The following CTNNA1 variants were observed in gnomAD, a reference collection of about 807,000 sequenced individuals.
The protein encoded by CTNNA1 is catenin alpha-1.
In CTNNA1, 37 loss-of-function variants were observed where a neutral mutation model predicts 98.4. The ratio of observed to expected loss-of-function variants is 0.38; its 90% CI spans 0.29 to 0.49. The LOEUF is 0.49. CTNNA1 is among the 20% of genes least tolerant of loss of function. The pLI is 0.95. For missense variants in CTNNA1, 761 were observed against 1,147.2 expected (o/e 0.66, Z 4.86); for synonymous variants, 404 against 413.2 (o/e 0.98, Z 0.27).
chr5:138,796,085 C>T (rs1756938623), intron 3 of CTNNA1, among the ~76,000 whole-genome samples: 1 of 152,070 alleles, frequency 6.6e-6, no homozygotes, highest in Non-Finnish European at 1.5e-5. Flanking sequence ...TGAACACTAT[C>T]CTCTAGAGAG....
intron 6 of CTNNA1, among the ~76,000 whole-genome samples, chr5:138,826,377 G>A (rs1760722945): frequency 6.6e-6 from 1 of 152,110 alleles, no homozygotes; most frequent in Admixed American, 6.6e-5. Context: ...CATTTATCAG[G>A]GTGAGGATAA....
chr5:138,816,054 C>T (rs1759399577), intron 5 of CTNNA1, among the ~76,000 whole-genome samples: 1 of 152,194 alleles, frequency 6.6e-6, no homozygotes, highest in Admixed American at 6.5e-5. Flanking sequence ...TGATAACTAA[C>T]CTTTGGCTAC....
chr5:138,767,433 TG>T (rs1475154139), intron 1 of CTNNA1, among the ~76,000 whole-genome samples: 8 of 152,218 alleles, frequency 5.3e-5, no homozygotes, highest in Non-Finnish European at 8.8e-5. Context: ...TGGTGTTCTT[TG>T]GCGCCATTGT....
chr5:138,766,861 G>T (rs143001548), intron 1 of CTNNA1, among the ~76,000 whole-genome samples: 47 of 152,176 alleles, frequency 3.1e-4, no homozygotes, highest in African/African-American at 1.0e-3. Flanking sequence ...CTGTGGTAAC[G>T]GGAAGAGGTG....
chr5:138,802,144 A>G (rs1471734233), intron 3 of CTNNA1, among the ~76,000 whole-genome samples: 2 of 152,230 alleles, frequency 1.3e-5, no homozygotes, highest in Non-Finnish European at 2.9e-5. Context: ...GTAAATGACA[A>G]GAAGAAGGCA....
intron 3 of CTNNA1, among the ~76,000 whole-genome samples, chr5:138,790,426 C>T (rs1195092957): frequency 1.3e-5 from 2 of 152,054 alleles, no homozygotes; most frequent in Admixed American, 6.5e-5. Flanking sequence ...GATGTCAAAC[C>T]TTATTTTGTG....
Position 138,874,476 on chromosome 5 carries a change from C to T in CTNNA1, c.1063-11736C>T. 3 of 1,612,674 alleles carry T rather than the reference C, an allele frequency of 1.9e-6. No homozygotes were observed. Among genetic ancestry groups the T allele is most frequent in the Non-Finnish European group, 2.5e-6 (3 of 1,179,278 alleles). Reference sequence around the variant, plus strand: ...TTGGGTGGACACGCCATACCCAGGGCAGGCAGCATTTTTAAAACCATACTC... The same window carrying T: ...TTGGGTGGACACGCCATACCCAGGGTAGGCAGCATTTTTAAAACCATACTC... On this transcript the variant is annotated intron_variant, in intron 7 of 17. Transcript: ENST00000302763. This position sits in a 1 kb window ranked among gnomAD's most constrained non-coding sequence, Gnocchi z 4.1.
At chr5:138,795,457 G>GAAA (rs920167753) in intron 3 of CTNNA1, among the ~76,000 whole-genome samples, 2 of 145,940 alleles carry the variant, frequency 1.4e-5, no homozygotes, top group Admixed American at 1.4e-4. Context: ...CTCTGTCTCA[G>GAAA]AAAAAAAAAA....
At position 138,925,353 on chromosome 5, in the gene CTNNA1, C is replaced by G. The variant is rs150965493; in HGVS notation, c.1845C>G (p.Ser615=). 6.2e-7 allele frequency: 1 copy of G among 1,614,156 alleles called. No homozygotes were observed. The highest frequency in any genetic ancestry group is 1.3e-5 in the African/African-American group (1 of 75,038). The change falls in exon 13 of 18, where the codon TCC becomes TCG. Residue 615 remains serine (S), a synonymous_variant. Transcript: ENST00000302763. ...ATGAGAATGAGTTTATCGATGCTTCCCGCCTGGTATATGATGGCATCCGGG... is the reference window on the plus strand; with the variant it reads ...ATGAGAATGAGTTTATCGATGCTTCGCGCCTGGTATATGATGGCATCCGGG... ...PMDENEFIDA[S]RLVYDGIRDI...
chr5:138,886,268 G>A lies in CTNNA1; in HGVS notation c.1119G>A (p.Lys373=), dbSNP rs2150024339. 1.2e-6 allele frequency: 2 copies of A among 1,610,608 alleles called. No individual in the cohort carries two copies. The highest frequency in any genetic ancestry group is 1.7e-6 in the Non-Finnish European group (2 of 1,178,434). ...ALNSAIDKMT[K]KTRDLRRQLR... ...ATTCTGCAATAGATAAAATGACCAA[G>A]AAGACCAGGGACTTGCGTAGACAGG... The change falls in exon 8 of 18, where the codon AAG becomes AAA. Residue 373 remains lysine, a synonymous_variant. Coordinates refer to ENST00000302763, the MANE Select transcript of CTNNA1 (RefSeq NM_001903.5).
intron 1 of CTNNA1, among the ~76,000 whole-genome samples, chr5:138,758,722 C>G (rs1002205646): frequency 2.0e-5 from 3 of 151,650 alleles, no homozygotes; most frequent in African/African-American, 7.3e-5. Context: ...TTTCCCATAC[C>G]TTCCTTTAGT....
At position 138,917,733 on chromosome 5, in the gene CTNNA1, C is replaced by A. The variant is rs760052631; in HGVS notation, c.1390-9C>A. 10 of 1,613,386 alleles carry A rather than the reference C, an allele frequency of 6.2e-6. No homozygotes were observed. In the Admixed American group the frequency reaches 1.5e-4, roughly 24 times the overall value. ...AAGAGTAAACAGTGAAGTTTAATAT[C>A]TTTTGCAGGTTATTAATGCTGCACT... is the stretch of plus-strand genomic sequence containing the variant. On this transcript the variant is annotated splice_polypyrimidine_tract_variant and intron_variant, in intron 10 of 17. Coordinates refer to ENST00000302763, the MANE Select transcript of CTNNA1 (RefSeq NM_001903.5).
Position 138,764,205 on chromosome 5 carries a change from A to C in CTNNA1, c.-3+10695A>C, listed in dbSNP as rs150504071. ...GTCTCAAAAAAACAAAAAACAAAAAACAAAAAAATAATTAGCCGGGCATGG... is the reference window on the plus strand; with the variant it reads ...GTCTCAAAAAAACAAAAAACAAAAACCAAAAAAATAATTAGCCGGGCATGG... On this transcript the variant is annotated intron_variant, in intron 1 of 17. Coordinates refer to ENST00000302763, the MANE Select transcript of CTNNA1 (RefSeq NM_001903.5). Among the ~76,000 whole-genome samples, 917 of 151,676 alleles carry C rather than the reference A, an allele frequency of 6.0e-3. 2 individuals carry two copies. Among genetic ancestry groups the C allele is most frequent in the Non-Finnish European group, 9.4e-3 (638 of 67,928 alleles).
intron 9 of CTNNA1, among the ~76,000 whole-genome samples, chr5:138,895,391 C>A (rs1226399628): frequency 2.6e-5 from 4 of 151,934 alleles, no homozygotes; most frequent in Non-Finnish European, 4.4e-5. Flanking sequence ...GCATATATAC[C>A]CAGTGTGCAC....
chr5:138,910,231 T>TTC (rs1355239137), intron 10 of CTNNA1, among the ~76,000 whole-genome samples: 3 of 132,514 alleles, frequency 2.3e-5, no homozygotes, highest in Non-Finnish European at 4.6e-5. Context: ...CTTTTCTTTT[T>TTC]TTTTTTTTTT....
In CTNNA1 at chr5:138,762,918, T is replaced by A. The variant is rs181742428; in HGVS notation, c.-3+9408T>A. Reference sequence around the variant, plus strand: ...CTAAAAGGGCTTAACAGAAGAAAAATTTATCTTTCTTAATTGCTAATTTAA... The same window carrying A: ...CTAAAAGGGCTTAACAGAAGAAAAAATTATCTTTCTTAATTGCTAATTTAA... On this transcript the variant is annotated intron_variant, in intron 1 of 17. Transcript: ENST00000302763. Among the ~76,000 whole-genome samples the A allele has an allele frequency of 4.5e-4, 69 of 152,190 alleles. 1 individual carries two copies. The highest frequency in any genetic ancestry group is 2.4e-4 in the Non-Finnish European group (16 of 67,998).
At chr5:138,798,787 C>G (rs1757237860) in intron 3 of CTNNA1, among the ~76,000 whole-genome samples, 1 of 152,070 alleles carries the variant, frequency 6.6e-6, no homozygotes, top group South Asian at 2.1e-4. Flanking sequence ...ATTGAGCTCT[C>G]TTAAGTTTCA....
At chr5:138,824,499 C>T (rs199736239) in intron 5 of CTNNA1, 31 bp from the exon 6 acceptor site, 1 of 1,604,904 alleles carries the variant, frequency 6.2e-7, no homozygotes, top group East Asian at 2.2e-5. Context: ...ATAAAGAGTG[C>T]TCCAATTTCT....
chr5:138,833,140 C>G (rs1400552099), intron 7 of CTNNA1, among the ~76,000 whole-genome samples: 1 of 152,206 alleles, frequency 6.6e-6, no homozygotes, highest in East Asian at 1.9e-4. Context: ...ACCTCCAAAT[C>G]TGAATATACT....
Sources: allele counts gnomAD v4.1 joint callset (sites outside exome capture counted in the v4.1 genomes callset), GRCh38; gene constraint gnomAD v4.1.1; non-coding constraint Gnocchi (gnomAD v3.1); transcripts MANE v1.5; gene names NCBI Gene and HGNC (gene_info 2026-07-23, HGNC 2026-07-21).